HDAC9: variants seen among roughly 807,000 people sequenced by gnomAD.
The protein encoded by HDAC9 is MEF-2 interacting transcription repressor (MITR) protein.
In HDAC9, 41 loss-of-function variants were observed where a neutral mutation model predicts 139.4. The observed-to-expected ratio is 0.29, with a 90% CI of 0.23 to 0.38. The LOEUF is 0.38. Ranked by LOEUF, HDAC9 falls within the 10% of genes least tolerant of loss-of-function variation. The pLI is 1.00. For synonymous variants in HDAC9, 517 were observed against 476.2 expected (o/e 1.09, Z -1.12); for missense variants, 1,147 against 1,297.0 (o/e 0.88, Z 1.78).
chr7:18,106,177 GAATT>G (rs1783190199), intron 1 of HDAC9, among the ~76,000 whole-genome samples: 2 of 152,278 alleles, frequency 1.3e-5, no homozygotes, highest in African/African-American at 4.8e-5. Context: ...AAAAATCACT[GAATT>G]ATATAGATTA....
intron 24 of HDAC9, among the ~76,000 whole-genome samples, chr7:18,959,815 T>C (rs1384750192): frequency 1.3e-5 from 2 of 152,128 alleles, no homozygotes; most frequent in Admixed American, 1.3e-4. Flanking sequence ...CCTTACTTAG[T>C]GAATTGAGGT....
At chr7:18,216,106 CTGTGTG>C (rs56214633) in intron 2 of HDAC9, among the ~76,000 whole-genome samples, 3 of 148,048 alleles carry the variant, frequency 2.0e-5, no homozygotes, top group Admixed American at 6.8e-5. Flanking sequence ...GCCTGCGTGT[CTGTGTG>C]TGTGTGTGTG....
chr7:18,846,019 C>T (rs1796881752), intron 21 of HDAC9, among the ~76,000 whole-genome samples: 1 of 152,146 alleles, frequency 6.6e-6, no homozygotes, highest in Non-Finnish European at 1.5e-5. Context: ...TGTACCAAGC[C>T]TACGAAGGCT....
intron 13 of HDAC9, among the ~76,000 whole-genome samples, chr7:18,745,445 G>A (rs1248080702): frequency 6.6e-6 from 1 of 151,572 alleles, no homozygotes; most frequent in Non-Finnish European, 1.5e-5. Context: ...TTAAAAGGGG[G>A]AAACATTACT....
intron 17 of HDAC9, among the ~76,000 whole-genome samples, chr7:18,813,838 A>C (rs1362586784): frequency 6.6e-6 from 1 of 152,168 alleles, no homozygotes; most frequent in Non-Finnish European, 1.5e-5. Flanking sequence ...GAGTCTAGCT[A>C]TTACTAAGAT....
chr7:18,930,891 CT>C (rs1213985628), intron 22 of HDAC9, among the ~76,000 whole-genome samples: 1 of 152,082 alleles, frequency 6.6e-6, no homozygotes, highest in Admixed American at 6.6e-5. Context: ...TTTTATGGGA[CT>C]TTTTTTCATT....
At chr7:18,272,452 T>C (rs1366595558) in intron 2 of HDAC9, among the ~76,000 whole-genome samples, 2 of 152,162 alleles carry the variant, frequency 1.3e-5, no homozygotes, top group Non-Finnish European at 2.9e-5. Flanking sequence ...CCTTTATTTA[T>C]AATCAATATA....
chr7:18,142,381 C>G (rs917879820), intron 1 of HDAC9, among the ~76,000 whole-genome samples: 1 of 152,130 alleles, frequency 6.6e-6, no homozygotes, highest in African/African-American at 2.4e-5. Flanking sequence ...TTCTGTCCCC[C>G]CAGTGGCAAT....
rs546881687 is a variant in HDAC9 at position 18,353,143 on chromosome 7, C to A, written c.-42+62628C>A. Among the ~76,000 whole-genome samples, 6 of 152,132 alleles carry A rather than the reference C, an allele frequency of 3.9e-5. No homozygotes were observed. In the East Asian group the frequency reaches 1.2e-3, roughly 29 times the overall value. ...GAATGCTTAATTAGCTATACATGAC[C>A]CTGTGTTATGATACAGGCATACAAA... On this transcript the variant is annotated intron_variant, in intron 1 of 3. Transcript: ENST00000413509.
intron 21 of HDAC9, among the ~76,000 whole-genome samples, chr7:18,856,517 C>G (rs948571361): frequency 3.9e-5 from 6 of 152,068 alleles, no homozygotes; most frequent in Non-Finnish European, 7.4e-5. Context: ...TAGGTAGAAC[C>G]TCTATTTTTC....
chr7:18,261,160 T>A (rs202129152), intron 2 of HDAC9, among the ~76,000 whole-genome samples: 29 of 149,912 alleles, frequency 1.9e-4, no homozygotes, highest in Non-Finnish European at 3.6e-4. Context: ...AAAAAAAAAT[T>A]GGGTGTGCAT....
chr7:18,718,235 T>G (rs563832969), intron 12 of HDAC9, among the ~76,000 whole-genome samples: 2 of 152,030 alleles, frequency 1.3e-5, no homozygotes, highest in South Asian at 4.1e-4. Flanking sequence ...TTTTTTTGTT[T>G]GTTTTTTTGT....
At chr7:18,582,109 T>TTAA (rs1458892500) in intron 2 of HDAC9, among the ~76,000 whole-genome samples, 1 of 152,220 alleles carries the variant, frequency 6.6e-6, no homozygotes, top group Non-Finnish European at 1.5e-5. Flanking sequence ...ATATGAAGCC[T>TTAA]TAACATCTGT....
At chr7:18,815,586 GC>G (rs1794505505) in intron 17 of HDAC9, among the ~76,000 whole-genome samples, 1 of 152,144 alleles carries the variant, frequency 6.6e-6, no homozygotes, top group Admixed American at 6.6e-5. Context: ...CCTGTCTGTA[GC>G]CCCAGTTTTG....
chr7:18,772,983 A>C (rs1790446677), intron 16 of HDAC9, among the ~76,000 whole-genome samples: 1 of 152,122 alleles, frequency 6.6e-6, no homozygotes, highest in South Asian at 2.1e-4. Context: ...AACACTCCCT[A>C]CAGAGATACA....
At chr7:18,107,311 CA>C (rs1783285572) in intron 1 of HDAC9, among the ~76,000 whole-genome samples, 4 of 152,114 alleles carry the variant, frequency 2.6e-5, no homozygotes, top group African/African-American at 9.7e-5. Flanking sequence ...AAAATCTTTA[CA>C]ACTAAATTCC....
At chr7:18,690,633 A>G (rs965675194) in intron 12 of HDAC9, among the ~76,000 whole-genome samples, 8 of 151,944 alleles carry the variant, frequency 5.3e-5, no homozygotes, top group African/African-American at 1.9e-4. Context: ...CTAAAGTACC[A>G]TTTATTTTTT....
chr7:18,628,890 A>C (rs1171388819), intron 6 of HDAC9, among the ~76,000 whole-genome samples: 1 of 152,166 alleles, frequency 6.6e-6, no homozygotes, highest in Non-Finnish European at 1.5e-5. Flanking sequence ...TATGCTGCAG[A>C]GGTGTCTTCT....
At chr7:18,610,871 A>G (rs1836923200) in intron 6 of HDAC9, among the ~76,000 whole-genome samples, 1 of 152,178 alleles carries the variant, frequency 6.6e-6, no homozygotes, top group South Asian at 2.1e-4. Flanking sequence ...CCATGTACAC[A>G]TTGCACCTCC....
Sources: allele counts gnomAD v4.1 joint callset (sites outside exome capture counted in the v4.1 genomes callset), GRCh38; gene constraint gnomAD v4.1.1; transcripts MANE v1.5; gene names NCBI Gene and HGNC (gene_info 2026-07-23, HGNC 2026-07-21).